PIBF1: variants seen among roughly 807,000 people sequenced by gnomAD.
PIBF1 encodes progesterone-induced-blocking factor 1.
In PIBF1, 90 loss-of-function variants were observed where a neutral mutation model predicts 112.5. The observed-to-expected ratio is 0.80, with a 90% CI of 0.67 to 0.95. The LOEUF is 0.95. PIBF1 is among the 40% of genes least tolerant of loss of function. The probability of loss-of-function intolerance (pLI) is 0.00; values close to 1 mark genes in which losing one functional copy is unlikely to be tolerated. For missense variants in PIBF1, 915 were observed against 852.3 expected, an observed-to-expected ratio of 1.07 and a Z score of -0.92; for synonymous variants, 301 against 288.6, an observed-to-expected ratio of 1.04 and a Z score of -0.44.
chr13:72,797,817 C>G (rs2035270374), intron 4 of PIBF1, 90 bp from the exon 5 acceptor site: 1 of 927,896 alleles, frequency 1.1e-6, no homozygotes. Flanking sequence ...AAATATTTAT[C>G]TTTATTACTG....
chr13:72,815,787 G>A (rs760262424), intron 5 of PIBF1, among the ~76,000 whole-genome samples: 1 of 152,104 alleles, frequency 6.6e-6, no homozygotes, highest in Non-Finnish European at 1.5e-5. Flanking sequence ...CACATCAGCC[G>A]CTTGAGTAGC....
chr13:72,795,978 G>A (rs892169511), intron 4 of PIBF1, among the ~76,000 whole-genome samples: 10 of 152,172 alleles, frequency 6.6e-5, no homozygotes, highest in African/African-American at 2.4e-4. Flanking sequence ...CACAAATCTA[G>A]AACACCTAGG....
intron 14 of PIBF1, among the ~76,000 whole-genome samples, chr13:72,964,867 G>A (rs1050995757): frequency 6.6e-6 from 1 of 152,138 alleles, no homozygotes; most frequent in African/African-American, 2.4e-5. Flanking sequence ...TTCAAGACCA[G>A]CCTGGCCAAC....
At chr13:72,790,513 A>AGATAGATAGAT in intron 2 of PIBF1, among the ~76,000 whole-genome samples, 1 of 11,256 alleles carries the variant, frequency 8.9e-5, no homozygotes, top group African/African-American at 1.5e-4. Flanking sequence ...ACACACACAT[A>AGATAGATAGAT]GATAGATAGA....
chr13:72,948,457 A>G (rs1180235554), intron 14 of PIBF1, among the ~76,000 whole-genome samples: 1 of 152,136 alleles, frequency 6.6e-6, no homozygotes, highest in African/African-American at 2.4e-5. Flanking sequence ...AGCTCTAGGA[A>G]GTTCAACCAG....
intron 10 of PIBF1, among the ~76,000 whole-genome samples, chr13:72,863,515 A>G (rs1204063749): frequency 6.6e-6 from 1 of 151,616 alleles, no homozygotes; most frequent in Admixed American, 6.6e-5. Flanking sequence ...AAAATTATCC[A>G]GGCGTGGTGG....
At position 72,998,908 on chromosome 13, in the gene PIBF1, A is replaced by G; in HGVS notation, c.2136A>G (p.Lys712=). The change falls in exon 17 of 18, where the codon AAA becomes AAG. Residue 712 remains lysine, a synonymous_variant. Transcript: ENST00000326291. ...NSLLLTKTEP[K]HVTENQKSKT... ...TACTTCTCACTAAAACAGAACCAAAACATGTGACAGAAAATCAGAAATCAA... is the reference window on the plus strand; with the variant it reads ...TACTTCTCACTAAAACAGAACCAAAGCATGTGACAGAAAATCAGAAATCAA... 6.2e-7 allele frequency: 1 copy of G among 1,612,226 alleles called. No individual in the cohort carries two copies. Among genetic ancestry groups the G allele is most frequent in the Non-Finnish European group, 8.5e-7 (1 of 1,178,540 alleles).
intron 9 of PIBF1, among the ~76,000 whole-genome samples, chr13:72,853,361 C>A (rs1159893978): frequency 1.3e-5 from 2 of 152,144 alleles, no homozygotes; most frequent in Non-Finnish European, 2.9e-5. Flanking sequence ...CATCTCAGAT[C>A]TACTTAATTT....
At chr13:72,979,709 A>G (rs1193351745) in intron 16 of PIBF1, among the ~76,000 whole-genome samples, 1 of 152,116 alleles carries the variant, frequency 6.6e-6, no homozygotes, top group East Asian at 1.9e-4. Context: ...AGATCACAAG[A>G]TCAGGAGATC....
chr13:73,002,598 A>G (rs958375325), intron 17 of PIBF1, among the ~76,000 whole-genome samples: 1 of 152,162 alleles, frequency 6.6e-6, no homozygotes. Flanking sequence ...CAGGATTCAC[A>G]TCATTGTCAT....
chr13:72,809,902 T>TGAC (rs1480369293), intron 5 of PIBF1, among the ~76,000 whole-genome samples: 1 of 152,144 alleles, frequency 6.6e-6, no homozygotes, highest in East Asian at 1.9e-4. Context: ...ATGTGATTCT[T>TGAC]GACCTTTAAA....
chr13:72,869,622 TAATAA>T, intron 10 of PIBF1, among the ~76,000 whole-genome samples: 1 of 134,330 alleles, frequency 7.4e-6, no homozygotes, highest in Admixed American at 8.6e-5. Flanking sequence ...ATAATAATAA[TAATAA>T]AAAATAAATA....
chr13:72,813,187 T>G (rs1422333623), intron 5 of PIBF1, among the ~76,000 whole-genome samples: 2 of 152,174 alleles, frequency 1.3e-5, no homozygotes, highest in Admixed American at 6.6e-5. Flanking sequence ...GGTTAAATTA[T>G]ATAGTCAACA....
chr13:72,862,215 GC>G (rs1188545408), intron 10 of PIBF1, among the ~76,000 whole-genome samples: 1 of 152,212 alleles, frequency 6.6e-6, no homozygotes, highest in African/African-American at 2.4e-5. Context: ...ATGGGAAACA[GC>G]AATGTTGTAA....
chr13:72,863,529 G>A (rs2038790099), intron 10 of PIBF1, among the ~76,000 whole-genome samples: 1 of 151,742 alleles, frequency 6.6e-6, no homozygotes, highest in Non-Finnish European at 1.5e-5. Flanking sequence ...GTGGTGGTGG[G>A]CACCTGTAGT....
intron 4 of PIBF1, among the ~76,000 whole-genome samples, chr13:72,797,627 A>G (rs2035259156): frequency 6.6e-6 from 1 of 152,148 alleles, no homozygotes. Context: ...ACAAGCACCT[A>G]GTGTGGAGTG....
At chr13:72,929,922 C>T (rs1208083336) in intron 13 of PIBF1, among the ~76,000 whole-genome samples, 1 of 152,082 alleles carries the variant, frequency 6.6e-6, no homozygotes, top group Admixed American at 6.6e-5. Context: ...TGCAGTGGCA[C>T]AATCCTAGCT....
chr13:72,908,758 C>G, intron 12 of PIBF1, 77 bp downstream of exon 12: 1 of 1,370,060 alleles, frequency 7.3e-7, no homozygotes, highest in Non-Finnish European at 9.9e-7. Context: ...ATTTCTAAAA[C>G]TACTTTGGGA....
intron 5 of PIBF1, among the ~76,000 whole-genome samples, chr13:72,799,389 A>G (rs2035355832): frequency 6.6e-6 from 1 of 152,214 alleles, no homozygotes; most frequent in South Asian, 2.1e-4. Flanking sequence ...CATAGAACCA[A>G]TATTTCAGAC....
Sources: gnomAD v4.1 joint callset for allele counts (sites outside exome capture counted in the v4.1 genomes callset) on GRCh38, gnomAD v4.1.1 for gene constraint, MANE v1.5 for transcripts, NCBI Gene and HGNC (gene_info 2026-07-23, HGNC 2026-07-21) for gene names.